The following PEAK1 variants were observed in gnomAD, a reference collection of about 807,000 sequenced individuals.
The protein encoded by PEAK1 is inactive tyrosine-protein kinase PEAK1.
In PEAK1, 54 loss-of-function variants were observed where a neutral mutation model predicts 124.7. The ratio of observed to expected loss-of-function variants is 0.43; its 90% CI spans 0.35 to 0.54. The LOEUF is 0.54. Among genes scored for constraint, PEAK1 ranks in the 20% least tolerant of loss-of-function variants. PEAK1 has a pLI of 0.01. For missense variants in PEAK1, 2,046 were observed against 2,134.5 expected (o/e 0.96, Z 0.82); for synonymous variants, 719 against 760.0 (o/e 0.95, Z 0.89).
chr15:77,294,763 A>C (rs2063397659), intron 2 of PEAK1, among the ~76,000 whole-genome samples: 1 of 152,156 alleles, frequency 6.6e-6, no homozygotes, highest in Admixed American at 6.5e-5. Context: ...GGACATTATA[A>C]TATGTATGGT....
chr15:77,215,540 A>G (rs2152869308), intron 6 of PEAK1, among the ~76,000 whole-genome samples: 1 of 152,296 alleles, frequency 6.6e-6, no homozygotes, highest in South Asian at 2.1e-4. Flanking sequence ...TACAATGTAA[A>G]TAATTGTTAC....
intron 6 of PEAK1, among the ~76,000 whole-genome samples, chr15:77,205,904 C>A (rs573679540): frequency 1.8e-4 from 27 of 148,478 alleles, no homozygotes; most frequent in African/African-American, 6.2e-4. Flanking sequence ...TATACATGTG[C>A]CATGCTGGTG....
At chr15:77,265,523 C>T (rs980307928) in intron 5 of PEAK1, among the ~76,000 whole-genome samples, 8 of 152,188 alleles carry the variant, frequency 5.3e-5, no homozygotes, top group Admixed American at 3.3e-4. Context: ...CATCACTGGC[C>T]ATCAGAGAAA....
At chr15:77,160,554 T>C (rs185448803) in intron 7 of PEAK1, among the ~76,000 whole-genome samples, 4 of 152,146 alleles carry the variant, frequency 2.6e-5, no homozygotes, top group Non-Finnish European at 5.9e-5. Flanking sequence ...TGCACGCCTG[T>C]AGTTTCAGCT....
At chr15:77,154,332 T>G (rs1385102924) in intron 8 of PEAK1, among the ~76,000 whole-genome samples, 1 of 152,200 alleles carries the variant, frequency 6.6e-6, no homozygotes, top group Admixed American at 6.5e-5. Flanking sequence ...GTTTTCCATT[T>G]GCTTGGTAGA....
At chr15:77,237,488 T>C (rs1009312561) in intron 6 of PEAK1, among the ~76,000 whole-genome samples, 1 of 151,990 alleles carries the variant, frequency 6.6e-6, no homozygotes, top group Non-Finnish European at 1.5e-5. Context: ...ATGGCGCCTA[T>C]AATTTTCTTT....
chr15:77,340,010 G>A (rs958227225), intron 2 of PEAK1, among the ~76,000 whole-genome samples: 1 of 152,114 alleles, frequency 6.6e-6, no homozygotes. Flanking sequence ...AAAGACATGG[G>A]GCAACAGGAT....
chr15:77,106,407 A>C (rs2050752437), downstream of PEAK1: 1 of 152,200 alleles, frequency 6.6e-6, no homozygotes, highest in African/African-American at 2.4e-5. Context: ...TCTGTCACCC[A>C]GGCTGCAGTG....
At chr15:77,393,482 T>C (rs1340298416) in intron 1 of PEAK1, among the ~76,000 whole-genome samples, 1 of 152,088 alleles carries the variant, frequency 6.6e-6, no homozygotes, top group Non-Finnish European at 1.5e-5. Context: ...AGGCTCCTAT[T>C]CCAGGCCCTA....
intron 9 of PEAK1, among the ~76,000 whole-genome samples, chr15:77,122,363 C>T (rs1183135617): frequency 6.6e-6 from 1 of 152,180 alleles, no homozygotes; most frequent in Non-Finnish European, 1.5e-5. Flanking sequence ...TTTTCACTCT[C>T]CCACTCAGCA....
chr15:77,347,879 A>C, intron 2 of PEAK1: 2 of 984,056 alleles, frequency 2.0e-6, no homozygotes, highest in Non-Finnish European at 2.4e-6. Context: ...TTAAAAATAA[A>C]ATATACCTAC....
intron 8 of PEAK1, among the ~76,000 whole-genome samples, chr15:77,146,770 G>C (rs921181935): frequency 7.9e-5 from 12 of 152,244 alleles, no homozygotes; most frequent in African/African-American, 2.9e-4. Flanking sequence ...GCAGTGTGTG[G>C]AATAATGTCT....
At chr15:77,210,233 T>C (rs12910671) in intron 6 of PEAK1, among the ~76,000 whole-genome samples, 11,704 of 152,286 alleles carry the variant, frequency 0.077, 567 homozygotes, top group Non-Finnish European at 0.1. Flanking sequence ...ATAGTTTCCA[T>C]ATATACCAGA....
chr15:77,309,368 G>A (rs987553927), intron 2 of PEAK1, among the ~76,000 whole-genome samples: 1 of 151,952 alleles, frequency 6.6e-6, no homozygotes, highest in African/African-American at 2.4e-5. Flanking sequence ...ACAGACAGAA[G>A]GAATGACATA....
intron 9 of PEAK1, among the ~76,000 whole-genome samples, chr15:77,126,928 A>G (rs2052422757): frequency 6.6e-6 from 1 of 152,262 alleles, no homozygotes; most frequent in Non-Finnish European, 1.5e-5. Flanking sequence ...TATAACAAAG[A>G]CAAACATGAC....
intron 2 of PEAK1, chr15:77,335,619 C>T (rs2066151457): frequency 1.6e-6 from 1 of 622,756 alleles, no homozygotes. Flanking sequence ...TCTAGGACTA[C>T]AGGCGTGCAC....
chr15:77,226,216 T>G (rs1281990082), intron 6 of PEAK1, among the ~76,000 whole-genome samples: 2 of 141,658 alleles, frequency 1.4e-5, no homozygotes, highest in Non-Finnish European at 3.1e-5. Context: ...TTAAACATTC[T>G]AAAGATATTT....
chr15:77,291,567 G>A (rs562590563), intron 2 of PEAK1, among the ~76,000 whole-genome samples: 1 of 152,132 alleles, frequency 6.6e-6, no homozygotes, highest in African/African-American at 2.4e-5. Context: ...AATGTCACCT[G>A]TACTCCTTCA....
intron 5 of PEAK1, among the ~76,000 whole-genome samples, chr15:77,275,877 A>G (rs1017881770): frequency 3.3e-5 from 5 of 152,128 alleles, no homozygotes; most frequent in African/African-American, 1.2e-4. Context: ...TGAAAAAAAC[A>G]GAAAGCCTGA....
Sources: gnomAD v4.1 joint callset for allele counts (sites outside exome capture counted in the v4.1 genomes callset) on GRCh38, gnomAD v4.1.1 for gene constraint, MANE v1.5 for transcripts, NCBI Gene and HGNC (gene_info 2026-07-23, HGNC 2026-07-21) for gene names.